PCDHA4: variants seen among roughly 807,000 people sequenced by gnomAD.
PCDHA4 encodes the protein protocadherin alpha-4.
In PCDHA4, 49 loss-of-function variants were observed where a neutral mutation model predicts 61.4. The ratio of observed to expected loss-of-function variants is 0.80; its 90% CI spans 0.63 to 1.01. The LOEUF (loss-of-function observed/expected upper bound fraction) is 1.01. PCDHA4 is among the 50% of genes least tolerant of loss of function. The pLI, the probability that PCDHA4 is intolerant of heterozygous loss-of-function variation, is 0.00. For missense variants in PCDHA4, 1,254 were observed against 1,235.8 expected (o/e 1.01, Z -0.22); for synonymous variants, 590 against 550.3 (o/e 1.07, Z -1.01).
intron 1 of PCDHA4, among the ~76,000 whole-genome samples, chr5:140,941,214 C>CTTTCTTT (rs1554214039): frequency 0.058 from 7,135 of 122,220 alleles, 362 homozygotes; most frequent in South Asian, 0.079. Context: ...TTTCTTTCTT[C>CTTTCTTT]CTTTCTTTCT....
Position 140,917,330 on chromosome 5 carries a change from A to AG in PCDHA4, c.2386-61611dup, listed in dbSNP as rs1425400137. Among the ~76,000 whole-genome samples the AG allele has an allele frequency of 2.5e-4, 26 of 103,228 alleles. 2 individuals carry two copies. The highest frequency in any genetic ancestry group is 3.2e-4 in the East Asian group (1 of 3,132). The allele number at this position is 103,228 out of a possible 152,430, so 67.7% of individuals were successfully genotyped here. On this transcript the variant is annotated intron_variant, in intron 1 of 3. Coordinates refer to ENST00000530339, the MANE Select transcript of PCDHA4 (RefSeq NM_018907.4). Reference sequence around the variant, plus strand: ...CAATTTGGTGTTCATGTGGCGGGGGAGGGGGGGGATGGTGTAGGCTTCTGT... The same window carrying AG: ...CAATTTGGTGTTCATGTGGCGGGGGAGGGGGGGGGATGGTGTAGGCTTCTGT...
At chr5:140,829,255 G>C (rs2150164788) in intron 1 of PCDHA4, 10 of 1,614,172 alleles carry the variant, frequency 6.2e-6, no homozygotes, top group South Asian at 4.4e-5. Context: ...TGAACTGCTC[G>C]CTGACGCCTC....
At chr5:140,833,984 G>A (rs1449864732) in intron 1 of PCDHA4, among the ~76,000 whole-genome samples, 2 of 152,118 alleles carry the variant, frequency 1.3e-5, no homozygotes, top group East Asian at 3.8e-4. Flanking sequence ...GTTTTTCTAA[G>A]GCATGAGGAA....
At chr5:140,884,014 G>A (rs1582743653) in intron 1 of PCDHA4, 1 of 1,613,168 alleles carries the variant, frequency 6.2e-7, no homozygotes, top group Non-Finnish European at 8.5e-7. Context: ...AGCTGATGCC[G>A]CGGTCGGTGG....
Position 140,808,288 on chromosome 5 carries a change from A to G in PCDHA4, c.1101A>G (p.Thr367=). Residue 367 remains threonine, a synonymous_variant, in exon 1 of 4, where the codon ACA becomes ACG. Transcript: ENST00000530339. ...LPIREDAPLG[T]VIALISVSDK... ...TTAGAGAGGACGCTCCACTGGGTAC[A>G]GTCATCGCCCTGATCAGCGTGTCCG... The G allele has an allele frequency of 4.3e-6, 7 of 1,614,274 alleles. No individual in the cohort carries two copies. The highest frequency in any genetic ancestry group is 5.9e-6 in the Non-Finnish European group (7 of 1,180,052).
rs2096251750 is a variant in PCDHA4 at position 140,968,509 on chromosome 5, C to T, written c.2386-10440C>T. 3 of 1,614,162 alleles carry T rather than the reference C, an allele frequency of 1.9e-6. No individual in the cohort carries two copies. In the South Asian group the frequency reaches 3.3e-5, roughly 18 times the overall value. On this transcript the variant is annotated intron_variant, in intron 1 of 3. Coordinates refer to ENST00000530339, the MANE Select transcript of PCDHA4 (RefSeq NM_018907.4). Reference sequence around the variant, plus strand: ...ATGACCATGCCCCTCACATTCTGTACCCTACCTCAACCAACTCGTCAGCAG... The same window carrying T: ...ATGACCATGCCCCTCACATTCTGTATCCTACCTCAACCAACTCGTCAGCAG...
At chr5:140,918,639 TGA>T (rs1554198713) in intron 1 of PCDHA4, among the ~76,000 whole-genome samples, 1 of 152,224 alleles carries the variant, frequency 6.6e-6, no homozygotes, top group East Asian at 1.9e-4. Context: ...ATTCATAAAT[TGA>T]AACCTAATTC....
At chr5:140,927,581 C>T (rs1554204769) in intron 1 of PCDHA4, 1 of 1,614,150 alleles carries the variant, frequency 6.2e-7, no homozygotes, top group East Asian at 2.2e-5. Context: ...AATGACAACG[C>T]GCCTGTATTT....
In PCDHA4 at chr5:140,967,001, A is replaced by T. The variant is rs1048933252; in HGVS notation, c.2386-11948A>T. The T allele has an allele frequency of 3.1e-6, 5 of 1,605,060 alleles. No homozygotes were observed. The South Asian group carries it at 5.5e-5, about 18-fold the overall frequency. The stretch of plus-strand genomic sequence containing the variant: ...GCGCTTGGGGCCGGGTTGCTTGCGC[A>T]TCAACCATCTGGGTGCGCCCAGTCC... On this transcript the variant is annotated intron_variant, in intron 1 of 3. Transcript: ENST00000530339.
At chr5:140,821,549 A>G in intron 1 of PCDHA4, 1 of 502,610 alleles carries the variant, frequency 2.0e-6, no homozygotes, top group African/African-American at 1.9e-5. Flanking sequence ...CCTTTCATCC[A>G]CATGATGTCG....
At chr5:140,836,195 C>A (rs2150255060) in intron 1 of PCDHA4, 3 of 1,613,858 alleles carry the variant, frequency 1.9e-6, no homozygotes, top group Admixed American at 1.7e-5. Context: ...CAGGCTACAA[C>A]GCGTGGCTTT....
At chr5:140,969,146 AAGGCCTGTCTGACAGC>A in intron 1 of PCDHA4, 1 of 1,614,170 alleles carries the variant, frequency 6.2e-7, no homozygotes, top group Non-Finnish European at 8.5e-7. Flanking sequence ...CTACTGCTAC[AAGGCCTGTCTGACAGC>A]AGGCTCAGGG....
At chr5:140,918,115 A>G (rs185486488) in intron 1 of PCDHA4, among the ~76,000 whole-genome samples, 14 of 152,198 alleles carry the variant, frequency 9.2e-5, no homozygotes, top group African/African-American at 3.1e-4. Flanking sequence ...CACATCCTTG[A>G]TTAGCCATAT....
Position 140,809,206 on chromosome 5 carries a change from A to C in PCDHA4, c.2019A>C (p.Gly673=), listed in dbSNP as rs112533262. The C allele has an allele frequency of 4.9e-4, 783 of 1,614,042 alleles. 5 individuals are homozygous for C. In the African/African-American group the frequency reaches 9.3e-3, roughly 19 times the overall value. Residue 673 remains glycine (G), a synonymous_variant, in exon 1 of 4, where the codon GGA becomes GGC. Coordinates refer to ENST00000530339, the MANE Select transcript of PCDHA4 (RefSeq NM_018907.4). ...ATVLVSLVES[G]QAPKASSRAL... ...TGCTGGTGTCACTTGTGGAGAGTGG[A>C]CAGGCGCCAAAGGCCTCCTCACGGG...
intron 1 of PCDHA4, among the ~76,000 whole-genome samples, chr5:140,901,807 C>T (rs1227752610): frequency 6.6e-6 from 1 of 152,116 alleles, no homozygotes; most frequent in Non-Finnish European, 1.5e-5. Context: ...AACATTTTTA[C>T]AATATTGATT....
intron 1 of PCDHA4, chr5:140,870,040 A>G: frequency 1.2e-6 from 2 of 1,613,768 alleles, no homozygotes; most frequent in Non-Finnish European, 1.7e-6. Flanking sequence ...TGAAGAAAAC[A>G]AGTTTTATAA....
chr5:140,853,241 T>C (rs1032355023), intron 1 of PCDHA4: 4 of 978,568 alleles, frequency 4.1e-6, no homozygotes, highest in Admixed American at 6.3e-5. Context: ...TCCTTCATAT[T>C]AATCTCTATT....
Position 140,901,601 on chromosome 5 carries a change from A to T in PCDHA4, c.2386-77348A>T, listed in dbSNP as rs1448240708. Among the ~76,000 whole-genome samples, 3 of 152,078 alleles carry T rather than the reference A, an allele frequency of 2.0e-5. 1 individual carries two copies. The highest frequency in any genetic ancestry group is 1.3e-4 in the Admixed American group (2 of 15,264). On this transcript the variant is annotated intron_variant, in intron 1 of 3. Transcript: ENST00000530339. Reference sequence around the variant, plus strand: ...AGTGCCATGATGTTTTGGTTACTATATCTCTATGGTATAATTTGAAGTCAG... The same window carrying T: ...AGTGCCATGATGTTTTGGTTACTATTTCTCTATGGTATAATTTGAAGTCAG...
rs140322145 is a variant in PCDHA4, at chr5:140,968,725, T to C, written c.2386-10224T>C. ...CCAGGAAGATGGGAGATGAGAGTGG[T>C]AGCACTTTCAACCTGACCGTGGTGG... On this transcript the variant is annotated intron_variant, in intron 1 of 3. Coordinates refer to ENST00000530339, the MANE Select transcript of PCDHA4 (RefSeq NM_018907.4). 3.1e-6 allele frequency: 5 copies of C among 1,613,932 alleles called. No individual in the cohort carries two copies. In the African/African-American group the frequency reaches 6.7e-5, roughly 22 times the overall value.
Sources: allele counts gnomAD v4.1 joint callset (sites outside exome capture counted in the v4.1 genomes callset), GRCh38; gene constraint gnomAD v4.1.1; transcripts MANE v1.5; gene names NCBI Gene and HGNC (gene_info 2026-07-23, HGNC 2026-07-21).